Variants in CP observed in about 807,000 individuals in gnomAD.
The protein encoded by CP is ceruloplasmin, also known as caeruloplasmin.
CP carries 64 observed loss-of-function variants against 122.4 expected under a neutral mutation model. The observed-to-expected ratio is 0.52, with a 90% CI of 0.43 to 0.64. CP has a LOEUF of 0.64. Among genes scored for constraint, CP ranks in the 30% least tolerant of loss-of-function variants. The pLI, the probability that CP is intolerant of heterozygous loss-of-function variation, is 0.00. For synonymous variants in CP, 440 were observed against 436.4 expected (o/e 1.01, Z -0.10); for missense variants, 1,167 against 1,284.4 (o/e 0.91, Z 1.40).
chr3:149,188,387 T>A (rs1437639181), intron 9 of CP, among the ~76,000 whole-genome samples, 185 bp from the exon 10 acceptor site: 1 of 150,504 alleles, frequency 6.6e-6, no homozygotes, highest in Non-Finnish European at 1.5e-5. Context: ...TTGGTATCTG[T>A]TTAGTGGATT....
rs779667887 is a variant in CP, at chr3:149,206,209, A to G, written c.1167T>C (p.Gly389=). The stretch of plus-strand genomic sequence containing the variant: ...AGTTTTCTTTAGTGAAGATGTCTAT[A>G]CCAGAGGGAGCATAGTTCCAGATGA... ...EEIIWNYAPS[G]IDIFTKENLT... Residue 389 remains glycine (G), a synonymous_variant, in exon 6 of 19, where the codon GGT becomes GGC. Transcript: ENST00000264613. 6.2e-7 allele frequency: 1 copy of G among 1,614,022 alleles called. No homozygotes were observed. Among genetic ancestry groups the G allele is most frequent in the South Asian group, 1.1e-5 (1 of 91,084 alleles).
At chr3:149,213,908 G>A (rs1216283062) in intron 1 of CP, among the ~76,000 whole-genome samples, 1 of 152,120 alleles carries the variant, frequency 6.6e-6, no homozygotes, top group Non-Finnish European at 1.5e-5. Flanking sequence ...AAAGTCTAAG[G>A]CCTGATGTTT....
At chr3:149,171,993 C>T, downstream of CP, 1 of 1,163,434 alleles carries the variant, frequency 8.6e-7, no homozygotes, top group South Asian at 1.2e-5. Context: ...GCGTGAGCCA[C>T]CACGCCTGGC....
In CP at chr3:149,221,664, T is replaced by C. The variant is rs755147793; in HGVS notation, c.129A>G (p.Lys43=). ...TGACTTACGTGTCAACAGAAATAAG[T>C]TTCTTTTCCCCATGGTCAGAGGCAT... The part of the protein sequence containing the change: ...WDYASDHGEK[K]LISVDTEHSN... The change falls in exon 1 of 19, where the codon AAA becomes AAG. Residue 43 remains lysine, a synonymous_variant. Transcript: ENST00000264613. The C allele has an allele frequency of 6.2e-7, 1 of 1,612,056 alleles. No homozygotes were observed. The highest frequency in any genetic ancestry group is 8.5e-7 in the Non-Finnish European group (1 of 1,179,462).
chr3:149,198,546 T>C lies in CP; in HGVS notation c.1534A>G (p.Thr512Ala), dbSNP rs777690956. 2 of 1,614,112 alleles carry C rather than the reference T, an allele frequency of 1.2e-6. No individual in the cohort carries two copies. The highest frequency in any genetic ancestry group is 2.2e-5 in the South Asian group (2 of 91,078). ...GTCCATTCATAGGTGAATGTTTCTG[T>C]GGGTGCCACATGGGAGGCTGAAGGA... Reference protein sequence around the residue: ...VPPSASHVAPTETFTYEWTVP... With the variant: ...VPPSASHVAPAETFTYEWTVP... Residue 512 changes from threonine (T) to alanine (A), a missense_variant, in exon 9 of 19, where the codon ACA (threonine) becomes GCA (alanine). Transcript: ENST00000264613.
At chr3:149,218,130 C>T (rs1236632657) in intron 1 of CP, 1 of 170,046 alleles carries the variant, frequency 5.9e-6, no homozygotes, top group African/African-American at 2.4e-5. Context: ...TCACTTATTT[C>T]CAGCTTCCTA....
downstream of CP, chr3:149,168,088 C>G: frequency 4.1e-6 from 3 of 725,984 alleles, no homozygotes; most frequent in East Asian, 8.1e-5. Context: ...AAACCGAGGG[C>G]CTTTCAGAAC....
intron 16 of CP, 98 bp from the exon 17 acceptor site, chr3:149,178,077 T>G: frequency 8.6e-7 from 1 of 1,166,336 alleles, no homozygotes; most frequent in African/African-American, 1.5e-5. Context: ...TAAAGAATCT[T>G]TTTGATGTAA....
At chr3:149,207,282 A>G (rs999711405) in intron 5 of CP, 81 bp downstream of exon 5, 3 of 1,564,330 alleles carry the variant, frequency 1.9e-6, no homozygotes, top group African/African-American at 2.7e-5. Flanking sequence ...AGATTATTTC[A>G]AAGATATTTA....
chr3:149,215,299 T>G (rs73166838), intron 1 of CP, among the ~76,000 whole-genome samples: 14,166 of 152,260 alleles, frequency 0.093, 1,002 homozygotes, highest in East Asian at 0.35. Context: ...GTATTAATCA[T>G]TTCCTAAAAT....
intron 6 of CP, among the ~76,000 whole-genome samples, chr3:149,205,557 A>G (rs570397704): frequency 6.6e-6 from 1 of 152,206 alleles, no homozygotes; most frequent in Non-Finnish European, 1.5e-5. Flanking sequence ...AGCATTATTC[A>G]GCCTTAAAGA....
rs1240578317 is a variant in CP at position 149,172,876 on chromosome 3, CTT to C, written c.*836_*837del. 2.7e-5 allele frequency: 4 copies of C among 149,730 alleles called. No homozygotes were observed. Among genetic ancestry groups the C allele is most frequent in the African/African-American group, 5.2e-5 (2 of 38,680 alleles). 9.3% of individuals were successfully genotyped at this position (149,730 alleles called of 1,614,324 possible). A position where few individuals can be genotyped will look rare whatever the true frequency, so the allele number is the denominator to read the frequency against. On this transcript the variant is annotated 3_prime_UTR_variant, in exon 19 of 19. Coordinates refer to ENST00000264613, the MANE Select transcript of CP (RefSeq NM_000096.4). The stretch of plus-strand genomic sequence containing the variant: ...AATGCATGTTTTTTTCAGCCAAAGC[CTT>C]GTTTCCATTTTTGTTGATGTGTACT...
At chr3:149,182,156 G>T in intron 13 of CP, 23 bp from the exon 14 acceptor site, 1 of 1,613,616 alleles carries the variant, frequency 6.2e-7, no homozygotes, top group Non-Finnish European at 8.5e-7. Flanking sequence ...AAGAGGAAGA[G>T]TGTCCAATCA....
chr3:149,202,173 C>T lies in CP; in HGVS notation c.1277G>A (p.Arg426His), dbSNP rs181428197. 27 of 1,614,126 alleles carry T rather than the reference C, an allele frequency of 1.7e-5. No individual in the cohort carries two copies. Among genetic ancestry groups the T allele is most frequent in the Admixed American group, 3.3e-5 (2 of 60,016 alleles). ...TGTGAAGGAGGCATCTGTGTACTCA[C>T]GATAAACCAGCTTTTTATAAGAGCC... is the stretch of plus-strand genomic sequence containing the variant. Reference protein sequence around the residue: ...IGGSYKKLVYREYTDASFTNR... With the variant: ...IGGSYKKLVYHEYTDASFTNR... The change falls in exon 7 of 19, where the codon CGT becomes CAT. Residue 426 changes from arginine to histidine, a missense_variant. By Grantham distance (29) the Arg-to-His change is conservative. Coordinates refer to ENST00000264613, the MANE Select transcript of CP (RefSeq NM_000096.4).
intron 5 of CP, among the ~76,000 whole-genome samples, chr3:149,163,504 T>C (rs1324154424): frequency 1.3e-5 from 2 of 152,224 alleles, no homozygotes; most frequent in African/African-American, 4.8e-5. Flanking sequence ...TTATGAAAGA[T>C]ATTTTGCCTT....
chr3:149,221,698 G>C lies in CP; in HGVS notation c.95C>G (p.Thr32Ser). 2 of 1,613,214 alleles carry C rather than the reference G, an allele frequency of 1.2e-6. No homozygotes were observed. Among genetic ancestry groups the C allele is most frequent in the Non-Finnish European group, 1.7e-6 (2 of 1,179,684 alleles). Residue 32 changes from threonine (T) to serine (S), a missense_variant, in exon 1 of 19, where the codon ACT becomes AGT. Around this residue, in one of 2 missense-constraint regions of CP, gnomAD observed 642 missense variants for 627.3 expected, o/e 1.02. Coordinates refer to ENST00000264613, the MANE Select transcript of CP (RefSeq NM_000096.4). The part of the protein sequence containing the change: ...KHYYIGIIET[T>S]WDYASDHGEK... ...CCCATGGTCAGAGGCATAATCCCAA[G>C]TCGTTTCAATAATTCCAATGTAATA... is the stretch of plus-strand genomic sequence containing the variant.
chr3:149,175,621 G>A (rs1012235316), intron 18 of CP, among the ~76,000 whole-genome samples: 1 of 150,394 alleles, frequency 6.6e-6, no homozygotes, highest in African/African-American at 2.5e-5. Context: ...CAGCCACAGT[G>A]CAGGAATCTT....
At chr3:149,216,124 T>C (rs947220226) in intron 1 of CP, among the ~76,000 whole-genome samples, 9 of 152,234 alleles carry the variant, frequency 5.9e-5, no homozygotes, top group African/African-American at 1.9e-4. Context: ...TTGAGACATA[T>C]ATTTTTTATT....
At chr3:149,218,956 G>A (rs1559964134) in intron 1 of CP, among the ~76,000 whole-genome samples, 1 of 151,984 alleles carries the variant, frequency 6.6e-6, no homozygotes, top group African/African-American at 2.4e-5. Context: ...GTCATCATAC[G>A]ATAAGAAGTG....
Sources: gnomAD v4.1 joint callset for allele counts (sites outside exome capture counted in the v4.1 genomes callset) on GRCh38, gnomAD v4.1.1 for gene constraint, gnomAD v4.1.1 regional missense constraint, MANE v1.5 for transcripts, NCBI Gene and HGNC (gene_info 2026-07-23, HGNC 2026-07-21) for gene names.